AKAP9: variants seen among roughly 807,000 people sequenced by gnomAD.
AKAP9 encodes the protein A-kinase anchor protein 9.
A neutral mutation model predicts 488.5 loss-of-function variants in AKAP9; 311 were observed. The ratio of observed to expected loss-of-function variants is 0.64; its 90% CI spans 0.58 to 0.70. AKAP9 has a LOEUF of 0.70. AKAP9 is among the 30% of genes least tolerant of loss of function. AKAP9 has a pLI of 0.00. For missense variants in AKAP9, 4,215 were observed against 4,374.5 expected, an observed-to-expected ratio of 0.96 and a Z score of 1.03; for synonymous variants, 1,462 against 1,483.5, an observed-to-expected ratio of 0.99 and a Z score of 0.33.
At chr7:91,984,106 C>A (rs1796771633) in intron 3 of AKAP9, among the ~76,000 whole-genome samples, 1 of 152,128 alleles carries the variant, frequency 6.6e-6, no homozygotes, top group South Asian at 2.1e-4. Context: ...ATGGTAGTTT[C>A]TTTTGCTGTG....
chr7:92,081,195 A>G (rs1033876245), intron 31 of AKAP9, among the ~76,000 whole-genome samples: 4 of 152,126 alleles, frequency 2.6e-5, no homozygotes, highest in African/African-American at 9.7e-5. Context: ...TTAAGTAATA[A>G]TAAGTATGAA....
rs6961928 is a variant in AKAP9 at position 92,040,494 on chromosome 7, G to A, written c.4693-180G>A. Among the ~76,000 whole-genome samples the A allele has an allele frequency of 0.45, 68,419 of 151,790 alleles. 16,535 individuals are homozygous for A. The highest frequency in any genetic ancestry group is 0.63 in the African/African-American group (26,203 of 41,426). On this transcript the variant is annotated intron_variant, in intron 17 of 49. Coordinates refer to ENST00000356239, the MANE Select transcript of AKAP9 (RefSeq NM_005751.5). ...TAAAGTAGCTTTATGTTGTTTTAGA[G>A]TTGTAATTAAGAAAAACACCATTTT... is the stretch of plus-strand genomic sequence containing the variant.
chr7:92,003,227 T>A lies in AKAP9; in HGVS notation c.3310T>A (p.Ser1104Thr). The change falls in exon 8 of 50, where the codon TCA becomes ACA. Residue 1104 changes from serine to threonine, a missense_variant. Ser to Thr is a moderately conservative substitution (Grantham distance 58). Coordinates refer to ENST00000356239, the MANE Select transcript of AKAP9 (RefSeq NM_005751.5). ...KLQKELNVLK[S>T]EQNDLRLQME... Reference sequence around the variant, plus strand: ...TCAGAAAGAACTCAATGTACTTAAATCAGAACAGGTATGTTTACTTCTTCA... The same window carrying A: ...TCAGAAAGAACTCAATGTACTTAAAACAGAACAGGTATGTTTACTTCTTCA... 6.3e-7 allele frequency: 1 copy of A among 1,590,030 alleles called. No homozygotes were observed. Among genetic ancestry groups the A allele is most frequent in the Non-Finnish European group, 8.6e-7 (1 of 1,159,788 alleles).
Position 92,106,525 on chromosome 7 carries a change from C to T in AKAP9, c.11416+762C>T, listed in dbSNP as rs182420162. 2.6e-5 allele frequency among the ~76,000 whole-genome samples: 4 copies of T among 152,258 alleles called. No homozygotes were observed. In the East Asian group the frequency reaches 7.7e-4, roughly 29 times the overall value. On this transcript the variant is annotated intron_variant, in intron 47 of 49. Coordinates refer to ENST00000356239, the MANE Select transcript of AKAP9 (RefSeq NM_005751.5). Reference sequence around the variant, plus strand: ...GGTTCAAGACAGGATTGCTGTTAGTCATATGGAAGAATTAGGAAGTTTTCA... The same window carrying T: ...GGTTCAAGACAGGATTGCTGTTAGTTATATGGAAGAATTAGGAAGTTTTCA...
intron 14 of AKAP9, among the ~76,000 whole-genome samples, chr7:92,026,134 AGGGAATATG>A (rs1379453827): frequency 2.0e-5 from 3 of 152,224 alleles, no homozygotes; most frequent in African/African-American, 7.2e-5. Flanking sequence ...GCTTGAGCCT[AGGGAATATG>A]GAAAATGAAG....
intron 1 of AKAP9, among the ~76,000 whole-genome samples, chr7:91,942,514 A>G (rs981863043): frequency 6.6e-6 from 1 of 152,226 alleles, no homozygotes; most frequent in Non-Finnish European, 1.5e-5. Flanking sequence ...AGCAAGCTCT[A>G]TGCATCTACG....
chr7:92,107,074 C>T (rs1202078262), intron 47 of AKAP9, among the ~76,000 whole-genome samples: 1 of 152,114 alleles, frequency 6.6e-6, no homozygotes, highest in Non-Finnish European at 1.5e-5. Context: ...TTCCAGATAT[C>T]AGAAATACTC....
At chr7:92,016,949 A>G in intron 11 of AKAP9, 68 bp from the exon 12 acceptor site, 1 of 1,176,670 alleles carries the variant, frequency 8.5e-7, no homozygotes. Context: ...TAGGTGAATA[A>G]TATTTATTGA....
At chr7:92,005,726 C>T (rs1396738229) in intron 8 of AKAP9, among the ~76,000 whole-genome samples, 1 of 152,086 alleles carries the variant, frequency 6.6e-6, no homozygotes, top group African/African-American at 2.4e-5. Context: ...AGTGCAGTGG[C>T]GTGATCTCAG....
intron 27 of AKAP9, 111 bp from the exon 28 acceptor site, chr7:92,070,794 A>G: frequency 1.4e-6 from 1 of 709,012 alleles, no homozygotes; most frequent in Non-Finnish European, 2.2e-6. Context: ...GAGAAACAGG[A>G]TTGCTGCTTC....
chr7:91,980,400 A>G, intron 3 of AKAP9, 67 bp downstream of exon 3: 1 of 661,676 alleles, frequency 1.5e-6, no homozygotes, highest in Non-Finnish European at 2.3e-6. Context: ...GAAATCATTG[A>G]TTGTTGCTAC....
chr7:92,036,269 G>C (rs1395030853), intron 16 of AKAP9, among the ~76,000 whole-genome samples: 1 of 151,422 alleles, frequency 6.6e-6, no homozygotes, highest in Non-Finnish European at 1.5e-5. Context: ...CAACATTTAA[G>C]ATCTTCTTTT....
chr7:91,989,682 A>C (rs1797530850), intron 3 of AKAP9, among the ~76,000 whole-genome samples: 1 of 152,040 alleles, frequency 6.6e-6, no homozygotes, highest in Admixed American at 6.5e-5. Context: ...TAACCTCGTT[A>C]ATTACTTGAC....
chr7:92,042,707 T>C lies in AKAP9; in HGVS notation c.5098T>C (p.Phe1700Leu). 6.2e-7 allele frequency: 1 copy of C among 1,611,930 alleles called. No homozygotes were observed. The highest frequency in any genetic ancestry group is 1.1e-5 in the South Asian group (1 of 91,032). The change falls in exon 20 of 50, where the codon TTT (phenylalanine) becomes CTT (leucine). Residue 1700 changes from phenylalanine to leucine, a missense_variant. Around this residue, in one of 5 missense-constraint regions of AKAP9, gnomAD observed 2,361 missense variants for 2,430.0 expected, o/e 0.97. Transcript: ENST00000356239. ...CCAAGGAGAAGTTGAAGAACAAACA[T>C]TTAAAGAAAAGGAATTAGACAGAAA... ...ENQGEVEEQT[F>L]KEKELDRKPE...
At chr7:91,941,913 A>T (rs1038594822) in intron 1 of AKAP9, among the ~76,000 whole-genome samples, 11 of 84,156 alleles carry the variant, frequency 1.3e-4, no homozygotes, top group African/African-American at 3.2e-4. Context: ...TGTGTGTGTG[A>T]ACGGTTATGG....
chr7:92,097,192 A>G lies in AKAP9; in HGVS notation c.10233A>G (p.Lys3411=). 6.2e-7 allele frequency: 1 copy of G among 1,613,284 alleles called. No homozygotes were observed. Among genetic ancestry groups the G allele is most frequent in the Non-Finnish European group, 8.5e-7 (1 of 1,179,762 alleles). The change falls in exon 41 of 50, where the codon AAA becomes AAG. Residue 3411 remains lysine, a synonymous_variant. Coordinates refer to ENST00000356239, the MANE Select transcript of AKAP9 (RefSeq NM_005751.5). ...AAAAAATGCATGAGCTCCAGTCCAA[A>G]GTGGAAGATCTTCAGCGCCAGCTGG... ...GQKKMHELQS[K]VEDLQRQLEE...
chr7:92,102,750 C>A lies in AKAP9; in HGVS notation c.11254C>A (p.Leu3752Ile). The A allele has an allele frequency of 1.2e-6, 2 of 1,614,204 alleles. No homozygotes were observed. The highest frequency in any genetic ancestry group is 2.2e-5 in the South Asian group (2 of 91,090). ...RMGGQPAFTD[L>I]EVITNRPKGF... ...GGGGGGGCAGCCAGCTTTCACGGAT[C>A]TAGAGGTGATCACCAATCGCCCAAA... Residue 3752 changes from leucine to isoleucine, a missense_variant, in exon 46 of 50, where the codon CTA (leucine) becomes ATA (isoleucine). Leu to Ile is a conservative substitution (Grantham distance 5). Around this residue, in one of 5 missense-constraint regions of AKAP9, gnomAD observed 253 missense variants for 266.8 expected, o/e 0.95. Transcript: ENST00000356239.
chr7:92,062,441 A>G lies in AKAP9; in HGVS notation c.5932A>G (p.Arg1978Gly). 1.2e-6 allele frequency: 2 copies of G among 1,613,834 alleles called. No individual in the cohort carries two copies. Among genetic ancestry groups the G allele is most frequent in the Non-Finnish European group, 1.7e-6 (2 of 1,179,828 alleles). ...CCAAGAAGAAAGAGAATTACTGTCCAGACAAAAGGAAGCTATGAAAGCAGA... is the reference window on the plus strand; with the variant it reads ...CCAAGAAGAAAGAGAATTACTGTCCGGACAAAAGGAAGCTATGAAAGCAGA... ...QIQEERELLS[R>G]QKEAMKAEAG... is the part of the protein sequence containing the mutation. The change falls in exon 24 of 50, where the codon AGA becomes GGA. Residue 1978 changes from arginine to glycine, a missense_variant. Physicochemically the swap from Arg to Gly is moderately radical, Grantham distance 125 (BLOSUM62 -2). Transcript: ENST00000356239.
rs968106364 is a variant in AKAP9, at chr7:92,045,306, T to C, written c.5368+93T>C. 1.1e-5 allele frequency: 14 copies of C among 1,279,530 alleles called. No individual in the cohort carries two copies. The African/African-American group carries it at 1.3e-4, about 12-fold the overall frequency. The allele number at this position is 1,279,530 out of a possible 1,614,324, so 79.3% of individuals were successfully genotyped here. ...TGTGTTGAAAATATAGAAGAGAAAA[T>C]AAGTATTTTCCAGCAAATGGACCTT... is the stretch of plus-strand genomic sequence containing the variant. On this transcript the variant is annotated intron_variant, in intron 21 of 49. Coordinates refer to ENST00000356239, the MANE Select transcript of AKAP9 (RefSeq NM_005751.5).
Sources: allele counts gnomAD v4.1 joint callset (sites outside exome capture counted in the v4.1 genomes callset), GRCh38; gene constraint gnomAD v4.1.1; regional missense constraint gnomAD v4.1.1; transcripts MANE v1.5; gene names NCBI Gene and HGNC (gene_info 2026-07-23, HGNC 2026-07-21).